The following PLXDC1 variants were observed in gnomAD, a reference collection of about 807,000 sequenced individuals.
PLXDC1 encodes the protein plexin domain containing 1.
Under a neutral mutation model 61.3 loss-of-function variants are expected in PLXDC1, and 39 were observed. The ratio of observed to expected loss-of-function variants is 0.64; its 90% confidence interval spans 0.49 to 0.83. The LOEUF (loss-of-function observed/expected upper bound fraction) is 0.83, where lower values mean the gene tolerates loss of function less well. Ranked by LOEUF, PLXDC1 falls within the 40% of genes least tolerant of loss-of-function variation. The probability of loss-of-function intolerance (pLI) is 0.00; values close to 1 mark genes in which losing one functional copy is unlikely to be tolerated. For synonymous variants in PLXDC1, 212 were observed against 254.5 expected (o/e 0.83, Z 1.59); for missense variants, 596 against 666.5 (o/e 0.89, Z 1.17).
upstream of PLXDC1, among the ~76,000 whole-genome samples, chr17:39,151,913 G>C (rs2045376286): frequency 6.6e-6 from 1 of 152,112 alleles, no homozygotes; most frequent in South Asian, 2.1e-4. This position sits in a 1 kb window ranked among gnomAD's most constrained non-coding sequence, Gnocchi z 5.2. Context: ...CCGTTCCGCC[G>C]GGAAAGCTGC....
At chr17:39,093,027 T>C (rs1281648398) in intron 7 of PLXDC1, among the ~76,000 whole-genome samples, 1 of 152,244 alleles carries the variant, frequency 6.6e-6, no homozygotes, top group African/African-American at 2.4e-5. Flanking sequence ...TTTGTGTTTC[T>C]AAAAGAGTCA....
At chr17:39,129,741 G>GAAAGAAA (rs1168985590) in intron 2 of PLXDC1, among the ~76,000 whole-genome samples, 101 of 39,466 alleles carry the variant, frequency 2.6e-3, no homozygotes, top group African/African-American at 7.3e-3. Context: ...AAGAAAGAAA[G>GAAAGAAA]GAAAGAAAAG....
intron 2 of PLXDC1, among the ~76,000 whole-genome samples, chr17:39,132,784 G>A (rs1012715109): frequency 6.6e-6 from 1 of 152,076 alleles, no homozygotes; most frequent in Non-Finnish European, 1.5e-5. Flanking sequence ...ACTGAGGAAC[G>A]ATGGAGGAAG....
chr17:39,092,969 C>T (rs1910010835), intron 7 of PLXDC1, among the ~76,000 whole-genome samples: 1 of 152,190 alleles, frequency 6.6e-6, no homozygotes, highest in South Asian at 2.1e-4. Context: ...TGCCTCTCAC[C>T]CAGCTGCATA....
intron 9 of PLXDC1, among the ~76,000 whole-genome samples, chr17:39,082,556 A>ACT (rs890213386): frequency 1.1e-5 from 1 of 90,330 alleles, no homozygotes; most frequent in African/African-American, 4.7e-5. Context: ...CAAGAGCAAA[A>ACT]CTCTCTCAAA....
In PLXDC1 at chr17:39,063,563, T is replaced by G; in HGVS notation, c.*4277A>C. On this transcript the variant is annotated 3_prime_UTR_variant, in exon 14 of 14. Transcript: ENST00000315392. The stretch of plus-strand genomic sequence containing the variant: ...AGAACCAAGGTATGTGTGGTGATCT[T>G]CGGAATGCCACTCCAAATCCTTTGC... 1.4e-6 allele frequency: 1 copy of G among 694,460 alleles called. No individual in the cohort carries two copies. Among genetic ancestry groups the G allele is most frequent in the Non-Finnish European group, 2.6e-6 (1 of 382,328 alleles). 43.0% of individuals were successfully genotyped at this position (694,460 alleles called of 1,614,324 possible). A position where few individuals can be genotyped will look rare whatever the true frequency, so the allele number is the denominator to read the frequency against.
intron 2 of PLXDC1, among the ~76,000 whole-genome samples, chr17:39,115,213 C>G (rs1910928987): frequency 6.6e-6 from 1 of 152,232 alleles, no homozygotes; most frequent in African/African-American, 2.4e-5. Flanking sequence ...TGACAGAAAA[C>G]TTCCATCTAT....
At chr17:39,125,168 C>T (rs1172919320) in intron 2 of PLXDC1, among the ~76,000 whole-genome samples, 3 of 152,198 alleles carry the variant, frequency 2.0e-5, no homozygotes, top group Non-Finnish European at 2.9e-5. Context: ...ACAATAACCC[C>T]CAGCTGCCCT....
At chr17:39,106,276 T>C (rs1910588577) in intron 6 of PLXDC1, among the ~76,000 whole-genome samples, 1 of 151,960 alleles carries the variant, frequency 6.6e-6, no homozygotes, top group South Asian at 2.1e-4. Context: ...ACCTGCTAAG[T>C]GGCTCTCAAA....
At chr17:39,094,628 A>G (rs946958494) in intron 7 of PLXDC1, among the ~76,000 whole-genome samples, 4 of 152,176 alleles carry the variant, frequency 2.6e-5, no homozygotes, top group African/African-American at 9.7e-5. Flanking sequence ...CAGAGTCTGC[A>G]TGGAATTTAT....
intron 10 of PLXDC1, 126 bp from the exon 11 acceptor site, chr17:39,078,174 G>T: frequency 1.1e-6 from 1 of 914,766 alleles, no homozygotes; most frequent in Non-Finnish European, 1.6e-6. Context: ...GGAAGGGGCT[G>T]AGATGCCAAT....
At chr17:39,111,844 C>T (rs971089275) in intron 2 of PLXDC1, 17 of 152,394 alleles carry the variant, frequency 1.1e-4, no homozygotes, top group Non-Finnish European at 2.5e-4. Flanking sequence ...CCACAGCCAC[C>T]AGCCCTGGAG....
chr17:39,088,506 C>A (rs1217628602), intron 7 of PLXDC1, among the ~76,000 whole-genome samples: 2 of 152,184 alleles, frequency 1.3e-5, no homozygotes, highest in East Asian at 1.9e-4. Flanking sequence ...TACCACAACA[C>A]CCTTGGGAGG....
chr17:39,069,344 A>C (rs1465418238), intron 13 of PLXDC1, among the ~76,000 whole-genome samples: 1 of 152,126 alleles, frequency 6.6e-6, no homozygotes, highest in African/African-American at 2.4e-5. Context: ...GTGCTCAAGT[A>C]ATCTTGCCTT....
At chr17:39,072,757 G>A (rs1233208403) in intron 11 of PLXDC1, among the ~76,000 whole-genome samples, 1 of 152,184 alleles carries the variant, frequency 6.6e-6, no homozygotes, top group Non-Finnish European at 1.5e-5. Context: ...ACGTTCTTCT[G>A]TGGGGCGACA....
chr17:39,115,494 A>C (rs1207579392), intron 2 of PLXDC1, among the ~76,000 whole-genome samples: 1 of 152,194 alleles, frequency 6.6e-6, no homozygotes, highest in Non-Finnish European at 1.5e-5. Flanking sequence ...CCCTCCTGGC[A>C]CACCTGACTT....
intron 7 of PLXDC1, among the ~76,000 whole-genome samples, chr17:39,091,959 A>C (rs1196942383): frequency 9.0e-5 from 1 of 11,130 alleles, no homozygotes; most frequent in Non-Finnish European, 2.2e-4. Flanking sequence ...ACTCTATCTC[A>C]AAAAAAAAAA....
At position 39,083,498 on chromosome 17, in the gene PLXDC1, T is replaced by C; in HGVS notation, c.950A>G (p.Asp317Gly). Residue 317 changes from aspartate (D) to glycine (G), a missense_variant, in exon 9 of 14, where the codon GAC becomes GGC. Transcript: ENST00000315392. ...GCACCAGCTGCAGTTGAAGGTCAGG[T>C]CTGAGGACATGCAGGCGTCACAGCT... ...HRSCDACMSS[D>G]LTFNCSWCHV... The C allele has an allele frequency of 6.2e-7, 1 of 1,613,906 alleles. No homozygotes were observed. Among genetic ancestry groups the C allele is most frequent in the South Asian group, 1.1e-5 (1 of 90,986 alleles).
rs149600154 is a variant in PLXDC1 at position 39,078,464 on chromosome 17, G to A, written c.1051-416C>T. On this transcript the variant is annotated intron_variant, in intron 10 of 13. Transcript: ENST00000315392. Reference sequence around the variant, plus strand: ...CTTTTGGTTCAGGTTAAATAAGAGCGAGGGTAGGGCAACTCACAGTGACAT... The same window carrying A: ...CTTTTGGTTCAGGTTAAATAAGAGCAAGGGTAGGGCAACTCACAGTGACAT... 7.6e-3 allele frequency among the ~76,000 whole-genome samples: 1,151 copies of A among 152,348 alleles called. 19 individuals are homozygous for A. The highest frequency in any genetic ancestry group is 0.026 in the African/African-American group (1,073 of 41,572).
Sources: gnomAD v4.1 joint callset for allele counts (sites outside exome capture counted in the v4.1 genomes callset) on GRCh38, gnomAD v4.1.1 for gene constraint, Gnocchi (gnomAD v3.1) non-coding constraint, MANE v1.5 for transcripts, NCBI Gene and HGNC (gene_info 2026-07-23, HGNC 2026-07-21) for gene names.